OSBPL9: variants seen among roughly 807,000 people sequenced by gnomAD.
The protein encoded by OSBPL9 is oxysterol binding protein like 9.
In OSBPL9, 40 loss-of-function variants were observed where a neutral mutation model predicts 106.6. That is an observed-to-expected ratio of 0.38 (90% CI 0.29 to 0.49). The LOEUF is 0.49. Ranked by LOEUF, OSBPL9 falls within the 20% of genes least tolerant of loss-of-function variation. OSBPL9 has a pLI of 0.97. For synonymous variants in OSBPL9, 269 were observed against 295.4 expected, an observed-to-expected ratio of 0.91 and a Z score of 0.92; for missense variants, 609 against 887.2, an observed-to-expected ratio of 0.69 and a Z score of 3.98.
At chr1:51,760,810 T>C in intron 10 of OSBPL9, 30 bp downstream of exon 10, 1 of 1,607,312 alleles carries the variant, frequency 6.2e-7, no homozygotes, top group Non-Finnish European at 8.5e-7. Context: ...CTTAGATTCA[T>C]TGATGAGAAA....
chr1:51,588,130 C>T (rs1645256774), intron 1 of OSBPL9, among the ~76,000 whole-genome samples: 1 of 152,218 alleles, frequency 6.6e-6, no homozygotes, highest in African/African-American at 2.4e-5. Flanking sequence ...TGCCTGTAAT[C>T]CCAGCACTTT....
intron 11 of OSBPL9, among the ~76,000 whole-genome samples, chr1:51,762,709 C>T (rs1484244737): frequency 6.6e-6 from 1 of 152,148 alleles, no homozygotes; most frequent in African/African-American, 2.4e-5. Context: ...TTTGTTTAAA[C>T]CTAACTTAGG....
intron 1 of OSBPL9, among the ~76,000 whole-genome samples, chr1:51,649,715 T>G (rs1019897784): frequency 2.6e-5 from 4 of 151,338 alleles, no homozygotes; most frequent in Non-Finnish European, 4.4e-5. Flanking sequence ...TTTGCTCTAT[T>G]ACGATTGTTT....
the OSBPL9 span, among the ~76,000 whole-genome samples, chr1:51,552,564 T>C: frequency 6.6e-6 from 1 of 152,100 alleles, no homozygotes. Context: ...AATCCCAAAG[T>C]AAAACAAGAC....
At chr1:51,657,292 T>C (rs947272284) in intron 2 of OSBPL9, among the ~76,000 whole-genome samples, 5 of 152,120 alleles carry the variant, frequency 3.3e-5, no homozygotes, top group Non-Finnish European at 7.4e-5. Flanking sequence ...CACATGAACA[T>C]AGGGTACATA....
intron 18 of OSBPL9, 110 bp downstream of exon 18, chr1:51,784,135 A>G (rs1677047887): frequency 5.1e-6 from 7 of 1,383,828 alleles, no homozygotes; most frequent in Non-Finnish European, 7.2e-6. Flanking sequence ...GGGTGAGAGC[A>G]AAGGGTGGGG....
intron 3 of OSBPL9, chr1:51,707,028 T>C (rs527698628): frequency 2.9e-4 from 51 of 172,950 alleles, no homozygotes; most frequent in Admixed American, 1.0e-3. Context: ...GATTTTTGCA[T>C]GTCTGTTTAT....
chr1:51,740,252 T>C, intron 4 of OSBPL9: 1 of 1,479,050 alleles, frequency 6.8e-7, no homozygotes, highest in Non-Finnish European at 9.0e-7. Flanking sequence ...ACTTCTTTCA[T>C]TGGATGAAAG....
chr1:51,524,852 T>C, the OSBPL9 span, among the ~76,000 whole-genome samples: 6 of 152,190 alleles, frequency 3.9e-5, no homozygotes, highest in African/African-American at 1.4e-4. Flanking sequence ...AGGAACACCA[T>C]AGGAAAGAAA....
At chr1:51,539,605 A>G in the OSBPL9 span, among the ~76,000 whole-genome samples, 1 of 152,360 alleles carries the variant, frequency 6.6e-6, no homozygotes, top group South Asian at 2.1e-4. Context: ...GAACTGTTTT[A>G]CATGTATCTA....
chr1:51,751,332 GGATTACAGGCGTGA>G (rs1372701985), intron 8 of OSBPL9, among the ~76,000 whole-genome samples: 1 of 151,932 alleles, frequency 6.6e-6, no homozygotes, highest in East Asian at 1.9e-4. Context: ...CAAAGTGCTG[GGATTACAGGCGTGA>G]GCTACCAAAC....
At chr1:51,625,086 T>C (rs1295836152) in intron 1 of OSBPL9, among the ~76,000 whole-genome samples, 1 of 152,334 alleles carries the variant, frequency 6.6e-6, no homozygotes, top group East Asian at 1.9e-4. Context: ...TAAAACCTGA[T>C]TGGGTTTATA....
chr1:51,784,185 G>A, intron 18 of OSBPL9, 79 bp from the exon 19 acceptor site: 1 of 1,490,408 alleles, frequency 6.7e-7, no homozygotes, highest in Non-Finnish European at 9.4e-7. Flanking sequence ...GAGTATCCTG[G>A]AGTAACCATC....
At chr1:51,559,294 TG>T in the OSBPL9 span, among the ~76,000 whole-genome samples, 3 of 140,412 alleles carry the variant, frequency 2.1e-5, no homozygotes, top group Non-Finnish European at 4.7e-5. Flanking sequence ...AGTGTGGGGG[TG>T]GGGGTTGCGG....
At chr1:51,748,726 G>C (rs1477267820) in intron 7 of OSBPL9, among the ~76,000 whole-genome samples, 1 of 152,010 alleles carries the variant, frequency 6.6e-6, no homozygotes, top group Non-Finnish European at 1.5e-5. Flanking sequence ...CTTAAGGCAG[G>C]GTCTTACTAT....
At chr1:51,726,857 C>CT (rs1268680599) in intron 4 of OSBPL9, among the ~76,000 whole-genome samples, 2 of 152,104 alleles carry the variant, frequency 1.3e-5, no homozygotes, top group Non-Finnish European at 2.9e-5. Context: ...GTTATAGCTT[C>CT]TTGGTACAAG....
At chr1:51,736,087 C>T (rs1416469214) in intron 4 of OSBPL9, among the ~76,000 whole-genome samples, 1 of 152,010 alleles carries the variant, frequency 6.6e-6, no homozygotes, top group African/African-American at 2.4e-5. Flanking sequence ...TGCAGAATTC[C>T]TTAATTCATT....
intron 2 of OSBPL9, among the ~76,000 whole-genome samples, chr1:51,600,414 T>G (rs1645321011): frequency 6.6e-6 from 1 of 152,218 alleles, no homozygotes; most frequent in African/African-American, 2.4e-5. Context: ...TTTGCCCTTA[T>G]GGACCCCTTC....
chr1:51,671,904 C>T (rs1281073836), intron 3 of OSBPL9, among the ~76,000 whole-genome samples: 1 of 152,092 alleles, frequency 6.6e-6, no homozygotes, highest in Non-Finnish European at 1.5e-5. Context: ...ACCCTGCCTT[C>T]CTCCCCAACA....
Sources: gnomAD v4.1 joint callset for allele counts (sites outside exome capture counted in the v4.1 genomes callset) on GRCh38, gnomAD v4.1.1 for gene constraint, MANE v1.5 for transcripts, NCBI Gene and HGNC (gene_info 2026-07-23, HGNC 2026-07-21) for gene names.